The following PTPRD variants were observed in gnomAD, a reference collection of about 807,000 sequenced individuals.
PTPRD encodes receptor-type tyrosine-protein phosphatase delta.
In PTPRD, 34 loss-of-function variants were observed where a neutral mutation model predicts 214.5. The observed-to-expected ratio is 0.16, with a 90% CI of 0.12 to 0.21. The LOEUF (loss-of-function observed/expected upper bound fraction) is 0.21, where lower values mean the gene tolerates loss of function less well. Among genes scored for constraint, PTPRD ranks in the 10% least tolerant of loss-of-function variants. The probability of loss-of-function intolerance (pLI) is 1.00; values close to 1 mark genes in which losing one functional copy is unlikely to be tolerated. For synonymous variants in PTPRD, 1,128 were observed against 845.7 expected (o/e 1.33, Z -5.79); for missense variants, 2,545 against 2,398.7 (o/e 1.06, Z -1.27).
rs533205396 is a variant in PTPRD at position 10,179,512 on chromosome 9, G to C, written c.-544-145722C>G. Among the ~76,000 whole-genome samples, 14 of 152,068 alleles carry C rather than the reference G, an allele frequency of 9.2e-5. No homozygotes were observed. In the East Asian group the frequency reaches 2.5e-3, roughly 27 times the overall value. ...AATAATTTCAAGTTTTACTAATATA[G>C]TATTTATATATTGCTTGGAAATAAG... On this transcript the variant is annotated intron_variant, in intron 3 of 45. Transcript: ENST00000381196.
At chr9:9,241,416 G>A (rs962444870) in intron 9 of PTPRD, among the ~76,000 whole-genome samples, 5 of 151,972 alleles carry the variant, frequency 3.3e-5, no homozygotes, top group African/African-American at 1.2e-4. Context: ...AGGATACAAG[G>A]GGAAACACTT....
At chr9:9,014,530 C>A (rs767726568) in intron 11 of PTPRD, among the ~76,000 whole-genome samples, 48 of 152,058 alleles carry the variant, frequency 3.2e-4, no homozygotes, top group Admixed American at 2.0e-3. Context: ...CAGAAGAAAG[C>A]ATTGTGTTTG....
At chr9:8,749,396 C>T (rs879272494) in intron 11 of PTPRD, among the ~76,000 whole-genome samples, 24 of 152,184 alleles carry the variant, frequency 1.6e-4, no homozygotes, top group Admixed American at 1.4e-3. Flanking sequence ...CCACATTGGC[C>T]AGGCTGGTCT....
intron 8 of PTPRD, among the ~76,000 whole-genome samples, chr9:9,502,147 C>G (rs1338940782): frequency 6.6e-6 from 1 of 151,790 alleles, no homozygotes; most frequent in Admixed American, 6.6e-5. Flanking sequence ...AAGAGCTATC[C>G]TTTTAGCATA....
chr9:8,376,548 A>G (rs1422037112), intron 38 of PTPRD, 59 bp downstream of exon 38: 2 of 1,607,704 alleles, frequency 1.2e-6, no homozygotes, highest in Non-Finnish European at 8.5e-7. Context: ...ATTTCTCAAA[A>G]GAAGCTTTCT....
At chr9:10,002,494 T>C (rs1394314603) in intron 4 of PTPRD, among the ~76,000 whole-genome samples, 3 of 150,920 alleles carry the variant, frequency 2.0e-5, no homozygotes, top group Non-Finnish European at 3.0e-5. Context: ...GATGATAAGA[T>C]ACATGTCATG....
chr9:8,433,424 A>C (rs1222816634), intron 35 of PTPRD, among the ~76,000 whole-genome samples: 1 of 152,208 alleles, frequency 6.6e-6, no homozygotes, highest in African/African-American at 2.4e-5. Flanking sequence ...GAACTTTAAA[A>C]CAGCCTTAGG....
chr9:9,447,960 C>T (rs953511126), intron 8 of PTPRD, among the ~76,000 whole-genome samples: 1 of 152,038 alleles, frequency 6.6e-6, no homozygotes, highest in African/African-American at 2.4e-5. Context: ...CATAGTCTTA[C>T]AGACTGCACT....
chr9:10,094,539 CTTTTT>C (rs5896370), intron 3 of PTPRD, among the ~76,000 whole-genome samples: 1 of 121,160 alleles, frequency 8.3e-6, no homozygotes, highest in Non-Finnish European at 1.7e-5. Flanking sequence ...TTCTTTCTTT[CTTTTT>C]TTTTTTTTTT....
chr9:8,607,631 A>G (rs544839488), intron 14 of PTPRD, among the ~76,000 whole-genome samples: 54 of 152,276 alleles, frequency 3.5e-4, no homozygotes, highest in South Asian at 6.2e-4. Flanking sequence ...AGACTGAGCG[A>G]GATTCTGTCT....
intron 3 of PTPRD, among the ~76,000 whole-genome samples, chr9:10,122,806 T>C (rs1372634135): frequency 6.6e-6 from 1 of 152,212 alleles, no homozygotes; most frequent in South Asian, 2.1e-4. Context: ...CCTTCCACCC[T>C]GACTTAACCA....
chr9:9,323,628 C>T (rs111741975), intron 9 of PTPRD, among the ~76,000 whole-genome samples: 5 of 152,158 alleles, frequency 3.3e-5, no homozygotes, highest in African/African-American at 1.2e-4. Flanking sequence ...TCTTTACTTC[C>T]ACTCATAATA....
chr9:8,542,358 C>A (rs889574610), intron 14 of PTPRD, among the ~76,000 whole-genome samples: 1 of 151,906 alleles, frequency 6.6e-6, no homozygotes, highest in Non-Finnish European at 1.5e-5. Flanking sequence ...TAGGATAGTA[C>A]CGAGATAGCC....
chr9:9,698,942 T>C (rs1273306840), intron 7 of PTPRD, among the ~76,000 whole-genome samples: 26 of 152,216 alleles, frequency 1.7e-4, no homozygotes, highest in Admixed American at 1.7e-3. Context: ...GGTGATATAT[T>C]GCTAGAAGTT....
intron 8 of PTPRD, among the ~76,000 whole-genome samples, chr9:9,451,834 G>A (rs185681396): frequency 7.3e-4 from 111 of 151,240 alleles, no homozygotes; most frequent in Middle Eastern, 3.4e-3. Flanking sequence ...TTGAATTTGC[G>A]CTATAGATAC....
chr9:8,528,259 A>G (rs944186705), intron 15 of PTPRD: 2 of 426,498 alleles, frequency 4.7e-6, no homozygotes, highest in Non-Finnish European at 8.2e-6. Flanking sequence ...TTCAAAAGAA[A>G]ACAGAGAAAG....
At chr9:8,327,250 A>G (rs1834838517) in intron 44 of PTPRD, among the ~76,000 whole-genome samples, 1 of 151,948 alleles carries the variant, frequency 6.6e-6, no homozygotes, top group Non-Finnish European at 1.5e-5. Flanking sequence ...ATTGGCTTCA[A>G]AGAACATCTT....
chr9:9,804,090 T>C (rs1458802144), intron 5 of PTPRD, among the ~76,000 whole-genome samples: 2 of 152,238 alleles, frequency 1.3e-5, no homozygotes, highest in East Asian at 3.9e-4. Flanking sequence ...AAAGATTATC[T>C]GATGGCTGTT....
chr9:10,571,096 A>C (rs2067292769), intron 2 of PTPRD, among the ~76,000 whole-genome samples: 2 of 152,162 alleles, frequency 1.3e-5, no homozygotes, highest in Non-Finnish European at 2.9e-5. Context: ...TAAAATATGA[A>C]TGGCATTATA....
Sources: gnomAD v4.1 joint callset for allele counts (sites outside exome capture counted in the v4.1 genomes callset) on GRCh38, gnomAD v4.1.1 for gene constraint, MANE v1.5 for transcripts, NCBI Gene and HGNC (gene_info 2026-07-23, HGNC 2026-07-21) for gene names.